MOB3B: variants seen among roughly 807,000 people sequenced by gnomAD.
The protein encoded by MOB3B is MOB kinase activator 3B.
A neutral mutation model predicts 18.7 loss-of-function variants in MOB3B; 7 were observed. The ratio of observed to expected loss-of-function variants is 0.37; its 90% CI spans 0.21 to 0.70. MOB3B has a LOEUF of 0.70. Among genes scored for constraint, MOB3B ranks in the 30% least tolerant of loss-of-function variants. The pLI, the probability that MOB3B is intolerant of heterozygous loss-of-function variation, is 0.52. For missense variants in MOB3B, 253 were observed against 281.3 expected, an observed-to-expected ratio of 0.90 and a Z score of 0.72; for synonymous variants, 111 against 99.9, an observed-to-expected ratio of 1.11 and a Z score of -0.66.
intron 3 of MOB3B, among the ~76,000 whole-genome samples, chr9:27,345,935 C>T (rs377633331): frequency 9.2e-4 from 140 of 152,290 alleles, no homozygotes; most frequent in African/African-American, 3.0e-3. Context: ...GGCAAAAATC[C>T]ACCTCAAATT....
intron 2 of MOB3B, among the ~76,000 whole-genome samples, chr9:27,363,058 C>T (rs1821295683): frequency 6.6e-6 from 1 of 152,198 alleles, no homozygotes; most frequent in Admixed American, 6.5e-5. Flanking sequence ...CACTCCCTTT[C>T]CTGGCAGGCT....
intron 3 of MOB3B, among the ~76,000 whole-genome samples, chr9:27,337,503 C>T (rs940367435): frequency 2.6e-5 from 4 of 152,322 alleles, no homozygotes; most frequent in Admixed American, 6.5e-5. Context: ...TCACTTCCCT[C>T]AGGCCACATT....
intron 3 of MOB3B, among the ~76,000 whole-genome samples, chr9:27,357,045 T>G (rs1031698739): frequency 6.8e-6 from 1 of 146,558 alleles, no homozygotes; most frequent in Non-Finnish European, 1.5e-5. Context: ...ATAGGCTCTT[T>G]TTAAAGTAAA....
At chr9:27,453,094 T>A (rs113370882) in intron 2 of MOB3B, among the ~76,000 whole-genome samples, 11 of 152,152 alleles carry the variant, frequency 7.2e-5, no homozygotes, top group South Asian at 6.2e-4. Flanking sequence ...ATAATTCTGA[T>A]ATAAACAAAA....
At chr9:27,409,938 A>C (rs10115753) in intron 2 of MOB3B, among the ~76,000 whole-genome samples, 1 of 152,010 alleles carries the variant, frequency 6.6e-6, no homozygotes, top group African/African-American at 2.4e-5. Flanking sequence ...GGTGGGGATG[A>C]AGAGTCATTA....
intron 1 of MOB3B, among the ~76,000 whole-genome samples, chr9:27,466,823 C>A (rs117048928): frequency 2.0e-5 from 3 of 152,076 alleles, no homozygotes; most frequent in Non-Finnish European, 4.4e-5. Context: ...CCCTTGGGTC[C>A]GTCCTACAAT....
At chr9:27,490,073 T>G (rs1414209960) in intron 1 of MOB3B, among the ~76,000 whole-genome samples, 1 of 152,140 alleles carries the variant, frequency 6.6e-6, no homozygotes, top group African/African-American at 2.4e-5. Context: ...ACTTCCCCTC[T>G]GCATTGCACA....
intron 1 of MOB3B, among the ~76,000 whole-genome samples, chr9:27,479,412 G>A (rs959950493): frequency 6.6e-6 from 1 of 152,120 alleles, no homozygotes; most frequent in African/African-American, 2.4e-5. Flanking sequence ...ATGCATTGAG[G>A]ATTAAGTTTC....
intron 1 of MOB3B, among the ~76,000 whole-genome samples, chr9:27,481,511 G>GTTTTTTTTTTTTTTTT (rs536716885): frequency 4.0e-4 from 28 of 69,636 alleles, no homozygotes; most frequent in Non-Finnish European, 9.0e-4. Flanking sequence ...TTTTTTTTTT[G>GTTTTTTTTTTTTTTTT]TTTTTTTTGT....
chr9:27,411,019 G>A (rs2131401639), intron 2 of MOB3B, among the ~76,000 whole-genome samples: 1 of 152,352 alleles, frequency 6.6e-6, no homozygotes, highest in East Asian at 1.9e-4. Flanking sequence ...GAATATGGAA[G>A]TCTAGCAGAA....
At chr9:27,343,489 A>AG (rs1034643549) in intron 3 of MOB3B, among the ~76,000 whole-genome samples, 8 of 150,818 alleles carry the variant, frequency 5.3e-5, no homozygotes, top group Non-Finnish European at 8.9e-5. Context: ...AAAAAAAAAA[A>AG]AAAAAAAAAA....
chr9:27,339,806 G>T (rs1820914754), intron 3 of MOB3B, among the ~76,000 whole-genome samples: 1 of 152,186 alleles, frequency 6.6e-6, no homozygotes, highest in Admixed American at 6.5e-5. Flanking sequence ...TGAATCAGCG[G>T]CTGTACCACA....
At chr9:27,503,107 A>G (rs980035466) in intron 1 of MOB3B, among the ~76,000 whole-genome samples, 14 of 152,156 alleles carry the variant, frequency 9.2e-5, no homozygotes, top group African/African-American at 3.4e-4. Flanking sequence ...TCAGGCATCT[A>G]ATTCTCCTCA....
intron 1 of MOB3B, among the ~76,000 whole-genome samples, chr9:27,494,603 C>T (rs1341280398): frequency 1.3e-5 from 2 of 152,292 alleles, no homozygotes; most frequent in Non-Finnish European, 2.9e-5. Context: ...CAACCTCCGC[C>T]CTCTGGGTTT....
chr9:27,492,953 T>C (rs1819842906), intron 1 of MOB3B, among the ~76,000 whole-genome samples: 1 of 152,204 alleles, frequency 6.6e-6, no homozygotes, highest in Non-Finnish European at 1.5e-5. Flanking sequence ...GGGATAAGTA[T>C]TCCTATCTTA....
In MOB3B at chr9:27,380,982, G is replaced by A. The variant is rs76655575; in HGVS notation, c.419-21746C>T. Reference sequence around the variant, plus strand: ...TCTAGAAATCATCTGGGGAACATCAGTTCACTACCTCTCACTGGGCTCATG... The same window carrying A: ...TCTAGAAATCATCTGGGGAACATCAATTCACTACCTCTCACTGGGCTCATG... On this transcript the variant is annotated intron_variant, in intron 2 of 3. Coordinates refer to ENST00000262244, the MANE Select transcript of MOB3B (RefSeq NM_024761.5). Among the ~76,000 whole-genome samples the A allele has an allele frequency of 2.7e-4, 41 of 152,232 alleles. 1 individual carries two copies. Among genetic ancestry groups the A allele is most frequent in the African/African-American group, 9.4e-4 (39 of 41,536 alleles).
intron 1 of MOB3B, chr9:27,524,294 T>A (rs1246651069): frequency 6.4e-7 from 1 of 1,565,596 alleles, no homozygotes; most frequent in Non-Finnish European, 8.6e-7. Context: ...CAAAACATCA[T>A]TGTCATATAC....
chr9:27,524,579 G>A (rs765892377), intron 1 of MOB3B: 5 of 1,614,024 alleles, frequency 3.1e-6, no homozygotes, highest in East Asian at 2.2e-5. Context: ...CTATGAAGAG[G>A]GACATCAAGA....
intron 2 of MOB3B, among the ~76,000 whole-genome samples, chr9:27,395,595 C>T (rs781540934): frequency 3.6e-4 from 55 of 152,120 alleles, no homozygotes; most frequent in Non-Finnish European, 4.3e-4. Context: ...CAACAGGGAG[C>T]GAATGTGATT....
Sources: allele counts gnomAD v4.1 joint callset (sites outside exome capture counted in the v4.1 genomes callset), GRCh38; gene constraint gnomAD v4.1.1; transcripts MANE v1.5; gene names NCBI Gene and HGNC (gene_info 2026-07-23, HGNC 2026-07-21).